The following NR4A2 variants were observed in gnomAD, a reference collection of about 807,000 sequenced individuals.
The protein encoded by NR4A2 is NGFI-B/nur77 beta-type transcription factor homolog.
In NR4A2, 1 loss-of-function variant was observed where a neutral mutation model predicts 50.5. That is an observed-to-expected ratio of 0.02 (90% CI 0.01 to 0.09). The LOEUF is 0.09. NR4A2 is among the 10% of genes least tolerant of loss of function. The pLI, the probability that NR4A2 is intolerant of heterozygous loss-of-function variation, is 1.00. For synonymous variants in NR4A2, 328 were observed against 309.4 expected, an observed-to-expected ratio of 1.06 and a Z score of -0.63; for missense variants, 613 against 777.3, an observed-to-expected ratio of 0.79 and a Z score of 2.51.
intron 2 of NR4A2, 99 bp from the exon 3 acceptor site, chr2:156,330,287 G>C: frequency 6.9e-7 from 1 of 1,444,460 alleles, no homozygotes; most frequent in Non-Finnish European, 9.5e-7. Context: ...GCCCGCGGCA[G>C]TCAGAGAGCA....
Position 156,330,769 on chromosome 2 carries a change from G to A in NR4A2, c.-104C>T. On this transcript the variant is annotated 5_prime_UTR_variant, in exon 2 of 8. Transcript: ENST00000339562. ...AAGATTTTTAGAAAAGCAATGGGGAGTCCAGCCTGTCCAATCTCCTCCCTG... is the reference window on the plus strand; with the variant it reads ...AAGATTTTTAGAAAAGCAATGGGGAATCCAGCCTGTCCAATCTCCTCCCTG... 8.0e-7 allele frequency: 1 copy of A among 1,250,228 alleles called. No homozygotes were observed. Among genetic ancestry groups the A allele is most frequent in the East Asian group, 3.0e-5 (1 of 32,918 alleles). 77.4% of individuals were successfully genotyped at this position (1,250,228 alleles called of 1,614,324 possible).
At chr2:156,332,453 C>A in intron 1 of NR4A2, 27 bp downstream of exon 1, 2 of 1,287,084 alleles carry the variant, frequency 1.6e-6, no homozygotes. Context: ...TAAAAGAAGG[C>A]GAACTGCATG....
At position 156,325,966 on chromosome 2, in the gene NR4A2, T is replaced by G. The variant is rs773997577; in HGVS notation, c.1575A>C (p.Glu525Asp). The G allele has an allele frequency of 6.2e-7, 1 of 1,614,220 alleles. No homozygotes were observed. Among genetic ancestry groups the G allele is most frequent in the Non-Finnish European group, 8.5e-7 (1 of 1,180,034 alleles). Residue 525 changes from glutamate to aspartate, a missense_variant, in exon 8 of 8, where the codon GAA (glutamate) becomes GAC (aspartate). Glu to Asp is a conservative substitution (Grantham distance 45). Around this residue, in one of 4 missense-constraint regions of NR4A2, gnomAD observed 250 missense variants for 311.3 expected, o/e 0.80. Transcript: ENST00000339562. ...RHGLKEPKRV[E>D]ELQNKIVNCL... ...AATTTACAATCTTGTTTTGCAGTTCTTCCACTCTCTTGGGTTCCTTGAGCC... is the reference window on the plus strand; with the variant it reads ...AATTTACAATCTTGTTTTGCAGTTCGTCCACTCTCTTGGGTTCCTTGAGCC...
In NR4A2 at chr2:156,327,928, G is replaced by A. The variant is rs984501010; in HGVS notation, c.1081C>T (p.Pro361Ser). ...ACGAGGGCACTGATCAGACTCACCG[G>A]GGGCGAAGGGGGAGAGGGCTCCTGT... ...SPQEPSPPSP[P>S]VSLISALVRA... Residue 361 changes from proline to serine, a missense_variant, in exon 5 of 8, where the codon CCG (proline) becomes TCG (serine). Pro to Ser is a moderately conservative substitution (Grantham distance 74). Transcript: ENST00000339562. 2 of 1,595,184 alleles carry A rather than the reference G, an allele frequency of 1.3e-6. No homozygotes were observed. The highest frequency in any genetic ancestry group is 8.5e-7 in the Non-Finnish European group (1 of 1,170,000).
chr2:156,329,459 A>T lies in NR4A2; in HGVS notation c.728T>A (p.Leu243Gln). The T allele has an allele frequency of 6.2e-7, 1 of 1,607,716 alleles. No homozygotes were observed. The highest frequency in any genetic ancestry group is 8.5e-7 in the Non-Finnish European group (1 of 1,178,522). The change falls in exon 3 of 8, where the codon CTG becomes CAG. Residue 243 changes from leucine to glutamine, a missense_variant. By Grantham distance (113) the Leu-to-Gln change is moderately radical. Around this residue, in one of 4 missense-constraint regions of NR4A2, gnomAD observed 275 missense variants for 248.9 expected, o/e 1.10. Coordinates refer to ENST00000339562, the MANE Select transcript of NR4A2 (RefSeq NM_006186.4). The surrounding 1 kb of genome is among the most constrained non-coding windows in gnomAD (Gnocchi z 7.5). ...CGGTGAGGGCACCTGCGTGTCGAGC[A>T]GCTGAGACGCGTGGCCGATCTGCAG... is the stretch of plus-strand genomic sequence containing the variant. ...PGLQIGHASQ[L>Q]LDTQVPSPPS...
At position 156,328,028 on chromosome 2, in the gene NR4A2, G is replaced by A. The variant is rs374052982; in HGVS notation, c.995-14C>T. The A allele has an allele frequency of 8.1e-6, 13 of 1,600,852 alleles. No homozygotes were observed. Among genetic ancestry groups the A allele is most frequent in the Non-Finnish European group, 1.0e-5 (12 of 1,173,086 alleles). Reference sequence around the variant, plus strand: ...CTGTGCGAACCACTGCAAAGGAAGAGCCCTGTTAGCGCCGCTTTTCCGAGC... The same window carrying A: ...CTGTGCGAACCACTGCAAAGGAAGAACCCTGTTAGCGCCGCTTTTCCGAGC... On this transcript the variant is annotated splice_polypyrimidine_tract_variant and intron_variant, in intron 4 of 7. Transcript: ENST00000339562. This position sits in a 1 kb window ranked among gnomAD's most constrained non-coding sequence, Gnocchi z 4.9.
chr2:156,330,866 G>A, intron 1 of NR4A2, 75 bp from the exon 2 acceptor site: 1 of 1,210,644 alleles, frequency 8.3e-7, no homozygotes, highest in Non-Finnish European at 1.0e-6. Flanking sequence ...GACTCACCAG[G>A]CAGGCCCTTC....
Position 156,329,749 on chromosome 2 carries a change from C to T in NR4A2, c.438G>A (p.Pro146=). 1 of 1,613,614 alleles carries T rather than the reference C, an allele frequency of 6.2e-7. No homozygotes were observed. The highest frequency in any genetic ancestry group is 8.5e-7 in the Non-Finnish European group (1 of 1,179,626). ...TCTGGTGGAAGTTGTGGAGAGATCC[C>T]GGGTCGTCCCACATGGGGCTGTGCT... is the stretch of plus-strand genomic sequence containing the variant. ...QVQHSPMWDD[P]GSLHNFHQNY... is the part of the protein sequence containing the mutation. Residue 146 remains proline (P), a synonymous_variant, in exon 3 of 8, where the codon CCG becomes CCA. Transcript: ENST00000339562. This position sits in a 1 kb window ranked among gnomAD's most constrained non-coding sequence, Gnocchi z 7.5.
Position 156,326,468 on chromosome 2 carries a change from C to G in NR4A2, c.1362-140G>C. The G allele has an allele frequency of 1.1e-6, 1 of 915,722 alleles. No homozygotes were observed. The highest frequency in any genetic ancestry group is 1.7e-6 in the Non-Finnish European group (1 of 578,148). The allele number at this position is 915,722 out of a possible 1,614,324, so 56.7% of individuals were successfully genotyped here. A position where few individuals can be genotyped will look rare whatever the true frequency, so the allele number is the denominator to read the frequency against. On this transcript the variant is annotated intron_variant, in intron 6 of 7. Transcript: ENST00000339562. The surrounding 1 kb of genome is among the most constrained non-coding windows in gnomAD (Gnocchi z 4.2). ...GTTAATAAAATGTAGACCAGTGGAC[C>G]TTGAAAGGGTTTAATTTCATAACAA... is the stretch of plus-strand genomic sequence containing the variant.
At position 156,326,063 on chromosome 2, in the gene NR4A2, C is replaced by G; in HGVS notation, c.1541-63G>C. 2 of 1,613,604 alleles carry G rather than the reference C, an allele frequency of 1.2e-6. No individual in the cohort carries two copies. The highest frequency in any genetic ancestry group is 1.7e-6 in the Non-Finnish European group (2 of 1,179,696). ...CAAGACAGTTAGCTAGTTGGCAAAA[C>G]CAAGGAGAATCTGTGACAAGGGAAA... On this transcript the variant is annotated intron_variant, in intron 7 of 7. Transcript: ENST00000339562. This position sits in a 1 kb window ranked among gnomAD's most constrained non-coding sequence, Gnocchi z 4.2.
chr2:156,329,565 C>T lies in NR4A2; in HGVS notation c.622G>A (p.Gly208Ser). 2 of 1,602,242 alleles carry T rather than the reference C, an allele frequency of 1.2e-6. No homozygotes were observed. The highest frequency in any genetic ancestry group is 1.3e-5 in the African/African-American group (1 of 74,886). The part of the protein sequence containing the change: ...LHVPMNPEPA[G>S]SHHVVDGQTF... Reference sequence around the variant, plus strand: ...TGCCCGTCCACCACGTGGTGGCTGCCGGCGGGCTCCGGGTTCATGGGGACG... The same window carrying T: ...TGCCCGTCCACCACGTGGTGGCTGCTGGCGGGCTCCGGGTTCATGGGGACG... The change falls in exon 3 of 8, where the codon GGC becomes AGC. Residue 208 changes from glycine to serine, a missense_variant. Around this residue, in one of 4 missense-constraint regions of NR4A2, gnomAD observed 275 missense variants for 248.9 expected, o/e 1.10. Coordinates refer to ENST00000339562, the MANE Select transcript of NR4A2 (RefSeq NM_006186.4). The surrounding 1 kb of genome is among the most constrained non-coding windows in gnomAD (Gnocchi z 7.5).
rs1686760727 is a variant in NR4A2 at position 156,328,519 on chromosome 2, T to C, written c.879A>G (p.Lys293=). The change falls in exon 4 of 8, where the codon AAA becomes AAG. Residue 293 remains lysine (K), a synonymous_variant. Transcript: ENST00000339562. This position sits in a 1 kb window ranked among gnomAD's most constrained non-coding sequence, Gnocchi z 4.9. The part of the protein sequence containing the change: ...CKGFFKRTVQ[K]NAKYVCLANK... Reference sequence around the variant, plus strand: ...TTGCTAAACACACGTATTTTGCATTTTTTTGCACTGTGCGCTGCAAAAGGA... The same window carrying C: ...TTGCTAAACACACGTATTTTGCATTCTTTTGCACTGTGCGCTGCAAAAGGA... 1 of 1,614,248 alleles carries C rather than the reference T, an allele frequency of 6.2e-7. No individual in the cohort carries two copies. Among genetic ancestry groups the C allele is most frequent in the East Asian group, 2.2e-5 (1 of 44,882 alleles).
At position 156,328,322 on chromosome 2, in the gene NR4A2, G is replaced by A; in HGVS notation, c.994+82C>T. 1 of 1,601,482 alleles carries A rather than the reference G, an allele frequency of 6.2e-7. No individual in the cohort carries two copies. Among genetic ancestry groups the A allele is most frequent in the East Asian group, 2.2e-5 (1 of 44,794 alleles). On this transcript the variant is annotated intron_variant, in intron 4 of 7. Transcript: ENST00000339562. The surrounding 1 kb of genome is among the most constrained non-coding windows in gnomAD (Gnocchi z 4.9). Reference sequence around the variant, plus strand: ...GGGGAGTCGGAGATCCCCAGCACCGGGAAGTGGAACGTGATGCTGGAGTAT... The same window carrying A: ...GGGGAGTCGGAGATCCCCAGCACCGAGAAGTGGAACGTGATGCTGGAGTAT...
In NR4A2 at chr2:156,326,342, CAA is replaced by C; in HGVS notation, c.1362-16_1362-15del. 1 of 1,610,572 alleles carries C rather than the reference CAA, an allele frequency of 6.2e-7. No individual in the cohort carries two copies. The highest frequency in any genetic ancestry group is 8.5e-7 in the Non-Finnish European group (1 of 1,176,866). On this transcript the variant is annotated splice_polypyrimidine_tract_variant and intron_variant, in intron 6 of 7. Transcript: ENST00000339562. This position sits in a 1 kb window ranked among gnomAD's most constrained non-coding sequence, Gnocchi z 4.2. ...ACTGGGTTGGACCTGCAATTAATAC[CAA>C]AGAGAGAGAGGGGAGAAAAAGAGAG...
intron 5 of NR4A2, 69 bp downstream of exon 5, chr2:156,327,782 C>G: frequency 6.5e-7 from 1 of 1,532,306 alleles, no homozygotes; most frequent in Non-Finnish European, 8.8e-7. Flanking sequence ...GAGTTAATGA[C>G]GGATGTGGGG....
Position 156,329,695 on chromosome 2 carries a change from C to G in NR4A2, c.492G>C (p.Glu164Asp). The change falls in exon 3 of 8, where the codon GAG becomes GAC. Residue 164 changes from glutamate to aspartate, a missense_variant. Glu to Asp is a conservative substitution (Grantham distance 45, BLOSUM62 2). This residue lies in a region of NR4A2 where 275 missense variants were observed against 248.9 expected (regional missense o/e 1.10). Coordinates refer to ENST00000339562, the MANE Select transcript of NR4A2 (RefSeq NM_006186.4). The surrounding 1 kb of genome is among the most constrained non-coding windows in gnomAD (Gnocchi z 7.5). ...GGCGGGAGACTGGCGTTTTCCTCTGCTCGATCATGTGCGTAGTGGCCACGT... is the reference window on the plus strand; with the variant it reads ...GGCGGGAGACTGGCGTTTTCCTCTGGTCGATCATGTGCGTAGTGGCCACGT... ...QNYVATTHMI[E>D]QRKTPVSRLS... 6.2e-7 allele frequency: 1 copy of G among 1,614,034 alleles called. No individual in the cohort carries two copies. Among genetic ancestry groups the G allele is most frequent in the South Asian group, 1.1e-5 (1 of 91,078 alleles).
intron 5 of NR4A2, among the ~76,000 whole-genome samples, 191 bp downstream of exon 5, chr2:156,327,660 T>G (rs978350816): frequency 3.9e-5 from 6 of 152,202 alleles, no homozygotes; most frequent in African/African-American, 1.2e-4. Flanking sequence ...CCTGTCCTCA[T>G]GTCTATGCCC....
chr2:156,332,546 C>G lies in NR4A2; in HGVS notation c.-193G>C. The G allele has an allele frequency of 7.8e-7, 1 of 1,287,246 alleles. No individual in the cohort carries two copies. The highest frequency in any genetic ancestry group is 1.5e-5 in the African/African-American group (1 of 65,972). 79.7% of individuals were successfully genotyped at this position (1,287,246 alleles called of 1,614,324 possible). A position where few individuals can be genotyped will look rare whatever the true frequency, so the allele number is the denominator to read the frequency against. ...CGAAGTGCAGTTCCCTCTGGGAGCC[C>G]GGGCGCCGGGGTCGGGTAGGGGTGG... On this transcript the variant is annotated 5_prime_UTR_variant, in exon 1 of 8. Transcript: ENST00000339562.
At position 156,325,540 on chromosome 2, in the gene NR4A2, G is replaced by T. The variant is rs1189698848; in HGVS notation, c.*204C>A. ...CCCCGGAGCCAAAATGCCCTTTCAG[G>T]TTCTGCCTGCAGGTTAGGAAATAGC... is the stretch of plus-strand genomic sequence containing the variant. On this transcript the variant is annotated 3_prime_UTR_variant, in exon 8 of 8. Coordinates refer to ENST00000339562, the MANE Select transcript of NR4A2 (RefSeq NM_006186.4). 24 of 669,776 alleles carry T rather than the reference G, an allele frequency of 3.6e-5. No homozygotes were observed. The Admixed American group carries it at 5.3e-4, about 15-fold the overall frequency. 41.5% of individuals were successfully genotyped at this position (669,776 alleles called of 1,614,324 possible). A position where few individuals can be genotyped will look rare whatever the true frequency, so the allele number is the denominator to read the frequency against.
Sources: gnomAD v4.1 joint callset for allele counts (sites outside exome capture counted in the v4.1 genomes callset) on GRCh38, gnomAD v4.1.1 for gene constraint, gnomAD v4.1.1 regional missense constraint, Gnocchi (gnomAD v3.1) non-coding constraint, MANE v1.5 for transcripts, NCBI Gene and HGNC (gene_info 2026-07-23, HGNC 2026-07-21) for gene names.